CAMSAP1: variants seen among roughly 807,000 people sequenced by gnomAD.
CAMSAP1 encodes the protein calmodulin-regulated spectrin-associated protein 1.
In CAMSAP1, 58 loss-of-function variants were observed where a neutral mutation model predicts 143.5. That is an observed-to-expected ratio of 0.40 (90% CI 0.33 to 0.50). CAMSAP1 has a LOEUF of 0.50. Among genes scored for constraint, CAMSAP1 ranks in the 20% least tolerant of loss-of-function variants. The pLI is 0.45. For missense variants in CAMSAP1, 1,969 were observed against 2,115.7 expected, an observed-to-expected ratio of 0.93 and a Z score of 1.36; for synonymous variants, 945 against 859.3, an observed-to-expected ratio of 1.10 and a Z score of -1.74.
chr9:135,838,564 C>A (rs913144082), intron 7 of CAMSAP1, among the ~76,000 whole-genome samples: 2 of 150,930 alleles, frequency 1.3e-5, no homozygotes, highest in South Asian at 2.1e-4. Context: ...GCACTTTCCA[C>A]CCCTTCTACA....
At chr9:135,904,241 A>G (rs1350135689) in intron 1 of CAMSAP1, among the ~76,000 whole-genome samples, 1 of 151,930 alleles carries the variant, frequency 6.6e-6, no homozygotes, top group African/African-American at 2.4e-5. Flanking sequence ...TCTCTACAAA[A>G]AATACAAAAG....
chr9:135,850,024 G>T, intron 7 of CAMSAP1, 113 bp downstream of exon 7: 1 of 822,266 alleles, frequency 1.2e-6, no homozygotes, highest in Non-Finnish European at 1.8e-6. Context: ...TGACTCCACA[G>T]GCTCTTCCAA....
intron 7 of CAMSAP1, among the ~76,000 whole-genome samples, chr9:135,843,185 G>A (rs1305317103): frequency 6.6e-6 from 1 of 152,086 alleles, no homozygotes; most frequent in Non-Finnish European, 1.5e-5. Context: ...AAATTAGCCA[G>A]GTGTGGTGGC....
chr9:135,894,504 A>G (rs1343058241), intron 1 of CAMSAP1, among the ~76,000 whole-genome samples: 1 of 152,226 alleles, frequency 6.6e-6, no homozygotes, highest in Admixed American at 6.5e-5. Flanking sequence ...ATGTCCATCC[A>G]GAGGCAGCAC....
chr9:135,821,068 T>C lies in CAMSAP1; in HGVS notation c.3593A>G (p.Lys1198Arg), dbSNP rs550670680. The C allele has an allele frequency of 1.2e-5, 19 of 1,613,866 alleles. No individual in the cohort carries two copies. In the Admixed American group the frequency reaches 2.0e-4, roughly 17 times the overall value. Residue 1198 changes from lysine (K) to arginine (R), a missense_variant, in exon 11 of 17, where the codon AAA becomes AGA. Coordinates refer to ENST00000389532, the MANE Select transcript of CAMSAP1 (RefSeq NM_015447.4). This position sits in a 1 kb window ranked among gnomAD's most constrained non-coding sequence, Gnocchi z 4.6. ...ANILSEQMSL[K>R]EVLDASVKEV... is the part of the protein sequence containing the mutation. ...CTTCACACTCGCATCCAGAACTTCT[T>C]TGAGGCTCATCTGCTCCGAAAGAAT...
chr9:135,882,843 G>C lies in CAMSAP1; in HGVS notation c.396C>G (p.Ser132=), dbSNP rs1402914233. ...MESDDTPVTE[S]DLSRAPIKMS... ...TTTTTATGGGTGCGCGACTGAGGTC[G>C]GACTCTGTCACGGGGGTGTCATCAC... The change falls in exon 2 of 17, where the codon TCC becomes TCG. Residue 132 remains serine, a synonymous_variant. Coordinates refer to ENST00000389532, the MANE Select transcript of CAMSAP1 (RefSeq NM_015447.4). This position sits in a 1 kb window ranked among gnomAD's most constrained non-coding sequence, Gnocchi z 4.9. The C allele has an allele frequency of 1.9e-6, 3 of 1,551,220 alleles. No individual in the cohort carries two copies. In the South Asian group the frequency reaches 3.6e-5, roughly 18 times the overall value.
At chr9:135,852,465 T>C (rs1232707764) in intron 5 of CAMSAP1, among the ~76,000 whole-genome samples, 1 of 152,232 alleles carries the variant, frequency 6.6e-6, no homozygotes, top group African/African-American at 2.4e-5. Flanking sequence ...TAAATTTTAC[T>C]TTTCAGGTTT....
intron 1 of CAMSAP1, among the ~76,000 whole-genome samples, chr9:135,887,776 G>A (rs1166737436): frequency 6.6e-6 from 1 of 152,158 alleles, no homozygotes; most frequent in Non-Finnish European, 1.5e-5. Context: ...CAGAGTGAAA[G>A]TCAAACAAGG....
At chr9:135,884,785 G>A (rs1179797959) in intron 1 of CAMSAP1, among the ~76,000 whole-genome samples, 1 of 152,206 alleles carries the variant, frequency 6.6e-6, no homozygotes, top group Non-Finnish European at 1.5e-5. Flanking sequence ...AAGCTGACCT[G>A]CAGAGGTGAG....
intron 10 of CAMSAP1, among the ~76,000 whole-genome samples, chr9:135,823,483 C>T (rs937608511): frequency 6.6e-6 from 1 of 152,248 alleles, no homozygotes; most frequent in African/African-American, 2.4e-5. Flanking sequence ...TTCAAAATTA[C>T]TGAGGACCTC....
chr9:135,859,963 G>C (rs1476481772), intron 5 of CAMSAP1, among the ~76,000 whole-genome samples: 1 of 150,998 alleles, frequency 6.6e-6, no homozygotes, highest in Non-Finnish European at 1.5e-5. Context: ...CCAGCACTTT[G>C]GGAGGCCAAG....
chr9:135,873,256 G>C (rs59278046), intron 3 of CAMSAP1, among the ~76,000 whole-genome samples: 1,740 of 152,156 alleles, frequency 0.011, 31 homozygotes, highest in African/African-American at 0.04. Flanking sequence ...ATCCACAGGG[G>C]AAACAAAATA....
chr9:135,858,424 A>T (rs1837054629), intron 5 of CAMSAP1, among the ~76,000 whole-genome samples: 1 of 152,164 alleles, frequency 6.6e-6, no homozygotes, highest in Non-Finnish European at 1.5e-5. Flanking sequence ...GGGATACATC[A>T]GTGAGCAAAA....
rs924335547 is a variant in CAMSAP1, at chr9:135,810,696, T to C, written c.*613A>G. On this transcript the variant is annotated 3_prime_UTR_variant, in exon 17 of 17. Coordinates refer to ENST00000389532, the MANE Select transcript of CAMSAP1 (RefSeq NM_015447.4). ...TAAACTTTTTCTGAGCAGCAAGGGA[T>C]AAGAATTTTTTTTCAGAAATCTTAG... The C allele has an allele frequency of 6.5e-6, 1 of 152,684 alleles. No homozygotes were observed. Among genetic ancestry groups the C allele is most frequent in the Non-Finnish European group, 1.5e-5 (1 of 68,070 alleles). 9.5% of individuals were successfully genotyped at this position (152,684 alleles called of 1,614,324 possible).
chr9:135,892,036 T>C (rs1467318382), intron 1 of CAMSAP1, among the ~76,000 whole-genome samples: 3 of 152,196 alleles, frequency 2.0e-5, no homozygotes, highest in Non-Finnish European at 2.9e-5. Flanking sequence ...TCTTGAAGTA[T>C]GAGACGATGT....
Position 135,838,761 on chromosome 9 carries a change from C to A in CAMSAP1, c.1046-11177G>T, listed in dbSNP as rs555242213. ...ACTTTCCACCTGTTCTACAGACACA[C>A]GTCATCACGCACTTTCCACCCATTC... On this transcript the variant is annotated intron_variant, in intron 7 of 16. Coordinates refer to ENST00000389532, the MANE Select transcript of CAMSAP1 (RefSeq NM_015447.4). Among the ~76,000 whole-genome samples the A allele has an allele frequency of 3.5e-3, 536 of 151,368 alleles. 3 individuals are homozygous for A. Among genetic ancestry groups the A allele is most frequent in the African/African-American group, 0.012 (505 of 41,174 alleles).
chr9:135,895,829 G>C (rs752483001), intron 1 of CAMSAP1, among the ~76,000 whole-genome samples: 9 of 152,166 alleles, frequency 5.9e-5, no homozygotes, highest in Admixed American at 2.0e-4. Flanking sequence ...GTAAACTGTT[G>C]TAAGTCACAT....
Position 135,822,372 on chromosome 9 carries a change from T to C in CAMSAP1, c.2289A>G (p.Arg763=). 6.2e-7 allele frequency: 1 copy of C among 1,613,950 alleles called. No individual in the cohort carries two copies. The highest frequency in any genetic ancestry group is 2.2e-5 in the East Asian group (1 of 44,884). The part of the protein sequence containing the change: ...MGEAHPVVFS[R]YIGEEESAKL... ...TGGCCGACTCTTCCTCCCCAATGTA[T>C]CTGCTGAAAACCACAGGATGGGCCT... The change falls in exon 11 of 17, where the codon AGA becomes AGG. Residue 763 remains arginine (R), a synonymous_variant. Coordinates refer to ENST00000389532, the MANE Select transcript of CAMSAP1 (RefSeq NM_015447.4). This position sits in a 1 kb window ranked among gnomAD's most constrained non-coding sequence, Gnocchi z 6.1.
chr9:135,845,646 G>A (rs1458269297), intron 7 of CAMSAP1, among the ~76,000 whole-genome samples: 1 of 152,200 alleles, frequency 6.6e-6, no homozygotes, highest in African/African-American at 2.4e-5. Flanking sequence ...ATCTCCTTAA[G>A]CTGATAAGCA....
Sources: gnomAD v4.1 joint callset for allele counts (sites outside exome capture counted in the v4.1 genomes callset) on GRCh38, gnomAD v4.1.1 for gene constraint, Gnocchi (gnomAD v3.1) non-coding constraint, MANE v1.5 for transcripts, NCBI Gene and HGNC (gene_info 2026-07-23, HGNC 2026-07-21) for gene names.